The following ANKFN1 variants were observed in gnomAD, a reference collection of about 807,000 sequenced individuals.
ANKFN1 encodes ankyrin repeat and fibronectin type III domain containing 1.
In ANKFN1, 74 loss-of-function variants were observed where a neutral mutation model predicts 108.7. That is an observed-to-expected ratio of 0.68 (90% CI 0.56 to 0.83). The LOEUF is 0.83. Among genes scored for constraint, ANKFN1 ranks in the 40% least tolerant of loss-of-function variants. The pLI is 0.00. For synonymous variants in ANKFN1, 547 were observed against 516.2 expected, an observed-to-expected ratio of 1.06 and a Z score of -0.81; for missense variants, 1,505 against 1,382.3, an observed-to-expected ratio of 1.09 and a Z score of -1.41.
intron 1 of ANKFN1, among the ~76,000 whole-genome samples, chr17:56,174,813 G>C (rs901495254): frequency 6.6e-6 from 1 of 152,174 alleles, no homozygotes; most frequent in African/African-American, 2.4e-5. Flanking sequence ...CCCTCCCCCA[G>C]ACTGAATGTC....
rs191096847 is a variant in ANKFN1 at position 56,355,323 on chromosome 17, T to C, written c.601+1277T>C. Among the ~76,000 whole-genome samples the C allele has an allele frequency of 6.6e-5, 10 of 152,162 alleles. No homozygotes were observed. In the East Asian group the frequency reaches 1.7e-3, roughly 27 times the overall value. ...TATTTGAGTTGAATTCTAGAAGATATGAAGGAATGAACTATGAGAAGATGT... is the reference window on the plus strand; with the variant it reads ...TATTTGAGTTGAATTCTAGAAGATACGAAGGAATGAACTATGAGAAGATGT... On this transcript the variant is annotated intron_variant, in intron 6 of 20. Transcript: ENST00000682825.
intron 1 of ANKFN1, among the ~76,000 whole-genome samples, chr17:56,157,439 C>T (rs1192957606): frequency 4.6e-5 from 7 of 152,200 alleles, no homozygotes; most frequent in Admixed American, 2.0e-4. Context: ...TTTATACCCT[C>T]GGATGACCAT....
At chr17:56,330,264 CA>C (rs1293210411) in intron 4 of ANKFN1, among the ~76,000 whole-genome samples, 1 of 152,168 alleles carries the variant, frequency 6.6e-6, no homozygotes. Context: ...AAAGGAGAAG[CA>C]AAGGCATATC....
At chr17:56,129,648 A>C (rs1279555824) in intron 4 of ANKFN1, among the ~76,000 whole-genome samples, 1 of 152,228 alleles carries the variant, frequency 6.6e-6, no homozygotes, top group Non-Finnish European at 1.5e-5. Context: ...AAAGTAAATA[A>C]GAACACAAGG....
At chr17:56,492,891 A>G (rs1358909232) in intron 19 of ANKFN1, among the ~76,000 whole-genome samples, 2 of 152,160 alleles carry the variant, frequency 1.3e-5, no homozygotes, top group African/African-American at 4.8e-5. Flanking sequence ...GGTAAAGCCT[A>G]TGGTAACACC....
At chr17:56,309,265 T>C (rs900608105) in intron 3 of ANKFN1, among the ~76,000 whole-genome samples, 1 of 152,194 alleles carries the variant, frequency 6.6e-6, no homozygotes, top group Non-Finnish European at 1.5e-5. Flanking sequence ...CCATTTCATA[T>C]TGGGTGAGTT....
chr17:56,487,049 A>C (rs1187462680), intron 18 of ANKFN1, among the ~76,000 whole-genome samples: 1 of 152,190 alleles, frequency 6.6e-6, no homozygotes, highest in African/African-American at 2.4e-5. Flanking sequence ...TGTCTCCTGG[A>C]ATAAGGTCTA....
chr17:56,253,749 A>G (rs1387619812), intron 3 of ANKFN1, among the ~76,000 whole-genome samples: 1 of 152,158 alleles, frequency 6.6e-6, no homozygotes, highest in African/African-American at 2.4e-5. Context: ...AAAAAAATAA[A>G]AATAAAAAGG....
chr17:56,235,338 G>GC, intron 3 of ANKFN1, among the ~76,000 whole-genome samples: 1 of 152,138 alleles, frequency 6.6e-6, no homozygotes, highest in African/African-American at 2.4e-5. Flanking sequence ...CTTTTGCTGT[G>GC]CAGAAGCTTT....
At chr17:56,112,722 G>A (rs777079707) in intron 4 of ANKFN1, among the ~76,000 whole-genome samples, 6 of 152,086 alleles carry the variant, frequency 3.9e-5, no homozygotes, top group African/African-American at 1.2e-4. Flanking sequence ...AGAATATGTC[G>A]TGGAGAACTA....
intron 15 of ANKFN1, chr17:56,471,336 T>C (rs1405588698): frequency 6.6e-6 from 1 of 152,020 alleles, no homozygotes; most frequent in Non-Finnish European, 1.5e-5. Context: ...TTCCTTCTCT[T>C]CCCTGCTTTC....
chr17:56,425,903 T>TCCCC (rs2048549966), intron 8 of ANKFN1, among the ~76,000 whole-genome samples: 1 of 152,196 alleles, frequency 6.6e-6, no homozygotes, highest in African/African-American at 2.4e-5. Flanking sequence ...GCTTTGTTCA[T>TCCCC]ATTTACATCC....
intron 4 of ANKFN1, among the ~76,000 whole-genome samples, chr17:56,333,814 G>A (rs371340308): frequency 6.6e-5 from 10 of 152,036 alleles, no homozygotes; most frequent in Admixed American, 2.0e-4. Flanking sequence ...ATTAGCATAC[G>A]GAAAAAGAAA....
chr17:56,510,528 C>A lies in ANKFN1; in HGVS notation c.2700C>A (p.Asn900Lys). The A allele has an allele frequency of 6.5e-7, 1 of 1,536,206 alleles. No homozygotes were observed. The highest frequency in any genetic ancestry group is 8.7e-7 in the Non-Finnish European group (1 of 1,146,920). The change falls in exon 21 of 21, where the codon AAC becomes AAA. Residue 900 changes from asparagine (N) to lysine (K), a missense_variant. Coordinates refer to ENST00000682825, the MANE Select transcript of ANKFN1 (RefSeq NM_001370326.1). Reference sequence around the variant, plus strand: ...GCTCAGAAGTCTTCCTCCCCACCAACAGTGACTACGACTCCAGCGATGCCC... The same window carrying A: ...GCTCAGAAGTCTTCCTCCCCACCAAAAGTGACTACGACTCCAGCGATGCCC... ...EACSEVFLPT[N>K]SDYDSSDALS...
chr17:56,090,894 C>T (rs2143192113), intron 4 of ANKFN1, among the ~76,000 whole-genome samples: 1 of 151,386 alleles, frequency 6.6e-6, no homozygotes, highest in Non-Finnish European at 1.5e-5. Flanking sequence ...AGGTGTGAGC[C>T]ACCGTGCCTG....
chr17:56,510,373 G>T (rs1285377337), intron 20 of ANKFN1, 100 bp from the exon 21 acceptor site: 31 of 990,906 alleles, frequency 3.1e-5, no homozygotes, highest in African/African-American at 6.5e-5. Flanking sequence ...CGAAGCACAG[G>T]CCCCTTCTAA....
At chr17:56,412,815 T>A (rs1347295665) in intron 8 of ANKFN1, among the ~76,000 whole-genome samples, 6 of 152,206 alleles carry the variant, frequency 3.9e-5, no homozygotes, top group Non-Finnish European at 8.8e-5. Context: ...CTTATGATCA[T>A]GTGAGTCAAT....
At chr17:56,153,394 C>A, upstream of ANKFN1, 1 of 1,325,052 alleles carries the variant, frequency 7.5e-7, no homozygotes, top group Non-Finnish European at 1.1e-6. Flanking sequence ...CATGCTCAGT[C>A]TCCCTGGATA....
chr17:56,427,142 C>A (rs902213268), intron 8 of ANKFN1, among the ~76,000 whole-genome samples: 10 of 152,286 alleles, frequency 6.6e-5, no homozygotes, highest in African/African-American at 1.4e-4. Flanking sequence ...CCCACAAATT[C>A]CTTTGGGTCC....
Sources: gnomAD v4.1 joint callset for allele counts (sites outside exome capture counted in the v4.1 genomes callset) on GRCh38, gnomAD v4.1.1 for gene constraint, MANE v1.5 for transcripts, NCBI Gene and HGNC (gene_info 2026-07-23, HGNC 2026-07-21) for gene names.